MYH16: variants seen among roughly 807,000 people sequenced by gnomAD.
The protein encoded by MYH16 is putative uncharacterized protein MYH16.
At chr7:99,249,592 T>G (rs1221306083) in intron 4 of MYH16, among the ~76,000 whole-genome samples, 9 of 147,322 alleles carry the variant, frequency 6.1e-5, no homozygotes, top group South Asian at 2.3e-4. Context: ...TTTTTTTTTT[T>G]TTTTTGAGAT....
Position 99,302,315 on chromosome 7 carries a change from T to TACACAC in MYH16, n.5137+512_5137+513insCACACA, listed in dbSNP as rs1369453226. On this transcript the variant is annotated intron_variant and non_coding_transcript_variant, in intron 38 of 41. Transcript: ENST00000439784. ...TGACCATCTCAAAAAAAAAAAAATATATACACACACACACACACACACACA... is the reference window on the plus strand; with the variant it reads ...TGACCATCTCAAAAAAAAAAAAATATACACACATACACACACACACACACACACACA... 3.6e-4 allele frequency among the ~76,000 whole-genome samples: 28 copies of TACACAC among 77,984 alleles called. 2 individuals carry two copies. The highest frequency in any genetic ancestry group is 5.7e-3 in the Middle Eastern group (1 of 174). 51.2% of individuals were successfully genotyped at this position (77,984 alleles called of 152,430 possible). A position where few individuals can be genotyped will look rare whatever the true frequency, so the allele number is the denominator to read the frequency against.
intron 23 of MYH16, among the ~76,000 whole-genome samples, chr7:99,281,850 C>CAGACAGTGG (rs1190705830): frequency 6.6e-6 from 1 of 152,216 alleles, no homozygotes; most frequent in Non-Finnish European, 1.5e-5. Context: ...GGCAAAGAGC[C>CAGACAGTGG]AGACAGTGGA....
chr7:99,250,520 C>G (rs1791797305), intron 5 of MYH16, among the ~76,000 whole-genome samples: 1 of 152,090 alleles, frequency 6.6e-6, no homozygotes, highest in East Asian at 1.9e-4. Flanking sequence ...GTGGGAGGGT[C>G]GCTTGAGTCC....
intron 38 of MYH16, among the ~76,000 whole-genome samples, chr7:99,302,599 G>A (rs1016540913): frequency 6.6e-6 from 1 of 151,878 alleles, no homozygotes; most frequent in Admixed American, 6.6e-5. Context: ...ATATAATCCT[G>A]GCCAGGCACA....
chr7:99,254,960 C>A (rs553595343), intron 8 of MYH16, among the ~76,000 whole-genome samples: 4 of 152,096 alleles, frequency 2.6e-5, no homozygotes, highest in Non-Finnish European at 2.9e-5. Flanking sequence ...TTTAGCAAGA[C>A]CCTGTCTCTA....
intron 32 of MYH16, 122 bp from the exon 14 acceptor site, chr7:99,293,896 C>T (rs1414317636): frequency 6.0e-6 from 2 of 332,156 alleles, no homozygotes; most frequent in African/African-American, 4.4e-5. Flanking sequence ...CACTCTGCAT[C>T]GTTTCCAATG....
chr7:99,289,485 G>A (rs1792338069), intron 30 of MYH16, 81 bp downstream of exon 11: 2 of 222,776 alleles, frequency 9.0e-6, no homozygotes, highest in South Asian at 8.4e-5. Context: ...GAGCTTTCTT[G>A]GCCTTGGAAG....
At chr7:99,272,600 A>T (rs1477376694) in intron 19 of MYH16, among the ~76,000 whole-genome samples, 1 of 152,020 alleles carries the variant, frequency 6.6e-6, no homozygotes, top group Non-Finnish European at 1.5e-5. Flanking sequence ...GAAACAAAAA[A>T]TTCGCAGGTG....
chr7:99,297,788 TC>T (rs1412594678), exon 35 of MYH16: 6 of 456,538 alleles, frequency 1.3e-5, no homozygotes, highest in African/African-American at 1.2e-4. Flanking sequence ...AGCTGAGTCT[TC>T]CCTGGAGGTA....
At chr7:99,274,429 C>T (rs1254373622) in intron 20 of MYH16, among the ~76,000 whole-genome samples, 2 of 152,210 alleles carry the variant, frequency 1.3e-5, no homozygotes, top group African/African-American at 2.4e-5. Flanking sequence ...CCATAGCTCA[C>T]AAGGAAGTTT....
At chr7:99,254,994 C>T (rs1791854142) in intron 8 of MYH16, among the ~76,000 whole-genome samples, 3 of 152,174 alleles carry the variant, frequency 2.0e-5, no homozygotes, top group South Asian at 4.1e-4. Flanking sequence ...AATGGCTGGG[C>T]GCAATGGCTC....
intron 8 of MYH16, chr7:99,254,353 C>A (rs1276863876): frequency 6.6e-6 from 1 of 152,180 alleles, no homozygotes; most frequent in Non-Finnish European, 1.5e-5. Context: ...AGATGAGGAC[C>A]ACTGTGGGCC....
chr7:99,270,391 G>A (rs1210281218), intron 18 of MYH16, among the ~76,000 whole-genome samples: 2 of 148,788 alleles, frequency 1.3e-5, no homozygotes, highest in East Asian at 2.0e-4. Context: ...GCGTGATCTC[G>A]GCTCACTACA....
chr7:99,253,832 A>T (rs1791840014), intron 8 of MYH16: 1 of 189,616 alleles, frequency 5.3e-6, no homozygotes, highest in African/African-American at 2.3e-5. Flanking sequence ...GTTGGTAAAG[A>T]CCTTTATGTC....
At chr7:99,273,145 C>G (rs538437419) in intron 19 of MYH16, among the ~76,000 whole-genome samples, 68 bp downstream of exon 1, 5 of 152,164 alleles carry the variant, frequency 3.3e-5, no homozygotes, top group Non-Finnish European at 7.4e-5. Context: ...GCTCCCTTAT[C>G]GTGCTGCTAA....
intron 1 of MYH16, among the ~76,000 whole-genome samples, chr7:99,242,502 G>C (rs960094874): frequency 6.6e-6 from 1 of 152,094 alleles, no homozygotes; most frequent in African/African-American, 2.4e-5. Flanking sequence ...GCCAGGCATG[G>C]TGGTGTGCAC....
At chr7:99,296,276 C>T (rs115651954) in intron 33 of MYH16, among the ~76,000 whole-genome samples, 73 of 151,506 alleles carry the variant, frequency 4.8e-4, no homozygotes, top group African/African-American at 1.5e-3. Flanking sequence ...AGTTATGAGA[C>T]GGATGAAATC....
At chr7:99,296,951 G>T (rs1240019847) in intron 34 of MYH16, 34 bp downstream of exon 15, 3 of 452,792 alleles carry the variant, frequency 6.6e-6, no homozygotes, top group African/African-American at 6.0e-5. Flanking sequence ...GGATGGGCCT[G>T]TAGGGAGGGG....
chr7:99,308,077 A>G (rs6962141), downstream of MYH16, among the ~76,000 whole-genome samples: 470 of 152,128 alleles, frequency 3.1e-3, 1 homozygote, highest in African/African-American at 0.011. Flanking sequence ...TGTGTCCACC[A>G]TAGGCATCCT....
Sources: gnomAD v4.1 joint callset for allele counts (sites outside exome capture counted in the v4.1 genomes callset) on GRCh38, gnomAD v4.1.1 for gene constraint, MANE v1.5 for transcripts, NCBI Gene and HGNC (gene_info 2026-07-23, HGNC 2026-07-21) for gene names.